Variants in NRK observed in about 807,000 individuals in gnomAD.
NRK encodes Nik related kinase, also known as nik-related protein kinase.
A neutral mutation model predicts 125.2 loss-of-function variants in NRK; 67 were observed. That is an observed-to-expected ratio of 0.54 (90% CI 0.44 to 0.66). The LOEUF is 0.66. Ranked by LOEUF, NRK falls within the 30% of genes least tolerant of loss-of-function variation. NRK has a pLI of 0.00. For missense variants in NRK, 1,224 were observed against 1,192.9 expected (o/e 1.03, Z -0.38); for synonymous variants, 458 against 429.0 (o/e 1.07, Z -0.84).
intron 2 of NRK, among the ~76,000 whole-genome samples, chrX:105,868,720 C>T (rs112361126): frequency 0.056 from 5,827 of 103,657 alleles, 519 homozygotes; most frequent in African/African-American, 0.2. Context: ...CCACTTCCCC[C>T]GCCCCCCACC....
chrX:105,831,101 T>A lies in NRK; in HGVS notation c.105T>A (p.Thr35=), dbSNP rs750254865. The change falls in exon 2 of 29, where the codon ACT becomes ACA. Residue 35 remains threonine (T), a synonymous_variant. Coordinates refer to ENST00000243300, the MANE Select transcript of NRK (RefSeq NM_198465.4). ...FSLDKTIGLG[T]YGRIYLGLHE... ...TAGATAAAACCATTGGCCTTGGTAC[T>A]TATGGCAGAATCTATTTGGTAAGTT... 3.5e-6 allele frequency: 4 copies of A among 1,135,340 alleles called. No homozygotes were observed. The highest frequency in any genetic ancestry group is 4.5e-5 in the Admixed American group (2 of 44,600). The allele number at this position is 1,135,340 out of a possible 1,213,427, so 93.6% of individuals were successfully genotyped here.
Position 105,909,640 on chromosome X carries a change from G to A in NRK, c.1999G>A (p.Glu667Lys). The change falls in exon 13 of 29, where the codon GAA becomes AAA. Residue 667 changes from glutamate to lysine, a missense_variant. Physicochemically the swap from Glu to Lys is moderately conservative, Grantham distance 56. Transcript: ENST00000243300. Reference protein sequence around the residue: ...KPLGPLQTLMENLSSNRFYSQ... With the variant: ...KPLGPLQTLMKNLSSNRFYSQ... ...ACTTGGTCCGTTGCAAACCCTGATG[G>A]AAAATCTGTCATCAAATAGGTTTTA... The A allele has an allele frequency of 8.3e-7, 1 of 1,200,910 alleles. No homozygotes were observed. Among genetic ancestry groups the A allele is most frequent in the Non-Finnish European group, 1.1e-6 (1 of 889,817 alleles).
intron 16 of NRK, among the ~76,000 whole-genome samples, chrX:105,921,239 C>T (rs1801823141): frequency 9.5e-6 from 1 of 105,241 alleles, no homozygotes; most frequent in African/African-American, 3.5e-5. Context: ...GAACAAAAAA[C>T]CAAACACCGC....
intron 2 of NRK, among the ~76,000 whole-genome samples, chrX:105,857,488 A>G (rs913745524): frequency 2.7e-5 from 3 of 112,208 alleles, no homozygotes; most frequent in Admixed American, 9.5e-5. Flanking sequence ...ATTCAGTTGA[A>G]TAATAAAGAT....
At chrX:105,926,687 G>T (rs1466099688) in intron 19 of NRK, among the ~76,000 whole-genome samples, 2 of 110,879 alleles carry the variant, frequency 1.8e-5, no homozygotes, top group African/African-American at 6.5e-5. Context: ...AGAAATAGGG[G>T]TCTAATTTCA....
intron 14 of NRK, among the ~76,000 whole-genome samples, chrX:105,914,464 A>T (rs773356806): frequency 8.1e-5 from 9 of 111,428 alleles, no homozygotes; most frequent in African/African-American, 2.6e-4. Flanking sequence ...ATCTTAGTAT[A>T]TGCTATTCTT....
At chrX:105,932,489 G>A in intron 19 of NRK, among the ~76,000 whole-genome samples, 1 of 112,338 alleles carries the variant, frequency 8.9e-6, no homozygotes. Context: ...TTTATAAATA[G>A]GTTTAAAATA....
chrX:105,844,551 A>G (rs1003799599), intron 2 of NRK, among the ~76,000 whole-genome samples: 1 of 111,587 alleles, frequency 9.0e-6, no homozygotes, highest in African/African-American at 3.3e-5. Context: ...TCAAGGGAGG[A>G]AGATTAGTGA....
In NRK at chrX:105,939,859, T is replaced by C; in HGVS notation, c.3800-15T>C. ...AAGACTGATTTTAAATACTGTATAT[T>C]TTCTTATCTATCAGGTCATAAGAAC... is the stretch of plus-strand genomic sequence containing the variant. On this transcript the variant is annotated splice_polypyrimidine_tract_variant and intron_variant, in intron 22 of 28. Transcript: ENST00000243300. The C allele has an allele frequency of 1.9e-6, 2 of 1,050,816 alleles. No individual in the cohort carries two copies. Among genetic ancestry groups the C allele is most frequent in the South Asian group, 4.5e-5 (2 of 44,637 alleles). The allele number at this position is 1,050,816 out of a possible 1,213,427, so 86.6% of individuals were successfully genotyped here.
chrX:105,893,854 C>A lies in NRK; in HGVS notation c.401C>A (p.Ala134Glu). 8.4e-7 allele frequency: 1 copy of A among 1,193,939 alleles called. No homozygotes were observed. The highest frequency in any genetic ancestry group is 1.1e-6 in the Non-Finnish European group (1 of 879,776). Residue 134 changes from alanine to glutamate, a missense_variant, in exon 6 of 29, where the codon GCA (alanine) becomes GAA (glutamate). Transcript: ENST00000243300. ...QLWMVMELCA[A>E]GSVTDVVRMT... ...CAGATGGTGATGGAGTTATGTGCAGCAGGTTCGGTCACTGATGTAGTGAGA... is the reference window on the plus strand; with the variant it reads ...CAGATGGTGATGGAGTTATGTGCAGAAGGTTCGGTCACTGATGTAGTGAGA...
intron 1 of NRK, among the ~76,000 whole-genome samples, chrX:105,829,411 G>A (rs1338338934): frequency 8.9e-6 from 1 of 112,136 alleles, no homozygotes; most frequent in Non-Finnish European, 1.9e-5. Context: ...ATTAAACAAC[G>A]TTTGTGTATA....
chrX:105,896,196 A>G (rs1318085094), intron 7 of NRK, among the ~76,000 whole-genome samples: 2 of 112,226 alleles, frequency 1.8e-5, no homozygotes, highest in Admixed American at 9.5e-5. Flanking sequence ...TTTAATGTGT[A>G]AAATAAATAT....
intron 26 of NRK, chrX:105,948,487 C>T: frequency 2.9e-6 from 1 of 348,308 alleles, no homozygotes; most frequent in Non-Finnish European, 4.9e-6. Flanking sequence ...TAAAGAATAT[C>T]TAGTTACTTC....
At chrX:105,857,571 G>A (rs1384624778) in intron 2 of NRK, among the ~76,000 whole-genome samples, 1 of 111,275 alleles carries the variant, frequency 9.0e-6, no homozygotes, top group Admixed American at 9.6e-5. Flanking sequence ...TTAATTTGCA[G>A]AGAACCTTAT....
intron 15 of NRK, among the ~76,000 whole-genome samples, chrX:105,916,502 A>G (rs1181307203): frequency 9.0e-6 from 1 of 111,426 alleles, no homozygotes; most frequent in Non-Finnish European, 1.9e-5. Context: ...TTTATTGAAC[A>G]CTCACTATAT....
chrX:105,911,822 G>A (rs2147752204), intron 13 of NRK, among the ~76,000 whole-genome samples: 1 of 111,875 alleles, frequency 8.9e-6, no homozygotes, highest in African/African-American at 3.2e-5. Flanking sequence ...GAAAGATTCA[G>A]TGATACCAGC....
intron 9 of NRK, among the ~76,000 whole-genome samples, chrX:105,903,292 C>A (rs1461270374): frequency 1.8e-5 from 2 of 110,572 alleles, no homozygotes; most frequent in Admixed American, 9.7e-5. Flanking sequence ...CTCAATGATG[C>A]TTCTTTATAG....
chrX:105,919,859 T>A (rs1389739556), intron 16 of NRK, among the ~76,000 whole-genome samples: 2 of 110,869 alleles, frequency 1.8e-5, no homozygotes, highest in Non-Finnish European at 3.8e-5. Context: ...TTCGCTCTGA[T>A]GGTAGTTTCT....
At position 105,868,975 on chromosome X, in the gene NRK, C is replaced by A. The variant is rs778426060; in HGVS notation, c.124-11224C>A. Among the ~76,000 whole-genome samples the A allele has an allele frequency of 4.3e-3, 466 of 109,587 alleles. 3 individuals carry two copies. The highest frequency in any genetic ancestry group is 0.014 in the African/African-American group (436 of 30,152). ...AACTCAAGTTCGTAATTAAAAAAAACACACACACACACAGCCCCAGTTAAA... is the reference window on the plus strand; with the variant it reads ...AACTCAAGTTCGTAATTAAAAAAAAAACACACACACACAGCCCCAGTTAAA... On this transcript the variant is annotated intron_variant, in intron 2 of 28. Coordinates refer to ENST00000243300, the MANE Select transcript of NRK (RefSeq NM_198465.4).
Sources: gnomAD v4.1 joint callset for allele counts (sites outside exome capture counted in the v4.1 genomes callset) on GRCh38, gnomAD v4.1.1 for gene constraint, MANE v1.5 for transcripts, NCBI Gene and HGNC (gene_info 2026-07-23, HGNC 2026-07-21) for gene names.